Variants in LYVE1 observed in about 807,000 individuals in gnomAD.
LYVE1 encodes lymphatic vessel endothelial hyaluronan receptor 1.
Under a neutral mutation model 31.5 loss-of-function variants are expected in LYVE1, and 29 were observed. The observed-to-expected ratio is 0.92, with a 90% CI of 0.69 to 1.26. LYVE1 has a LOEUF of 1.26. Ranked by LOEUF, LYVE1 falls within the 50% of genes most tolerant of loss-of-function variation. The pLI, the probability that LYVE1 is intolerant of heterozygous loss-of-function variation, is 0.00. For synonymous variants in LYVE1, 134 were observed against 139.4 expected, an observed-to-expected ratio of 0.96 and a Z score of 0.27; for missense variants, 376 against 380.2, an observed-to-expected ratio of 0.99 and a Z score of 0.09.
At chr11:10,568,389 G>T in intron 1 of LYVE1, 59 bp downstream of exon 1, 1 of 1,558,354 alleles carries the variant, frequency 6.4e-7, no homozygotes, top group Non-Finnish European at 8.8e-7. Flanking sequence ...ATAGTCAACA[G>T]CTTAGGAGGC....
chr11:10,560,754 A>G lies in LYVE1; in HGVS notation c.444T>C (p.Asp148=), dbSNP rs778376672. The part of the protein sequence containing the change: ...SCIPEIITTK[D]PIFNTQTATQ... ...TTGCAGTTTGAGTGTTGAATATGGG[A>G]TCTTTGGTGGTGATAATTTCTGGAA... The change falls in exon 4 of 6, where the codon GAT becomes GAC. Residue 148 remains aspartate (D), a synonymous_variant. Coordinates refer to ENST00000256178, the MANE Select transcript of LYVE1 (RefSeq NM_006691.4). The G allele has an allele frequency of 9.9e-6, 16 of 1,613,482 alleles. No individual in the cohort carries two copies. Among genetic ancestry groups the G allele is most frequent in the Non-Finnish European group, 1.4e-5 (16 of 1,179,504 alleles).
At chr11:10,565,162 C>G (rs1432185058) in intron 1 of LYVE1, among the ~76,000 whole-genome samples, 1 of 152,164 alleles carries the variant, frequency 6.6e-6, no homozygotes, top group Admixed American at 6.5e-5. Context: ...AAATGTTTAG[C>G]ATAGTGCCTG....
At chr11:10,559,533 A>G (rs1005754865) in intron 5 of LYVE1, among the ~76,000 whole-genome samples, 2 of 152,224 alleles carry the variant, frequency 1.3e-5, no homozygotes, top group African/African-American at 2.4e-5. Context: ...CAACAAAAAC[A>G]AAGAACCAAA....
rs1850338502 is a variant in LYVE1, at chr11:10,557,498, TGA to T, written c.*1611_*1612del. On this transcript the variant is annotated 3_prime_UTR_variant, in exon 6 of 6. Coordinates refer to ENST00000256178, the MANE Select transcript of LYVE1 (RefSeq NM_006691.4). ...AACCACGGAGCTGTGGGGTCACTGG[TGA>T]GGGGAAGAAGACAATTAGCAGTCTA... 1 of 152,056 alleles carries T rather than the reference TGA, an allele frequency of 6.6e-6. No homozygotes were observed. Among genetic ancestry groups the T allele is most frequent in the South Asian group, 2.1e-4 (1 of 4,816 alleles). 9.4% of individuals were successfully genotyped at this position (152,056 alleles called of 1,614,324 possible). A position where few individuals can be genotyped will look rare whatever the true frequency, so the allele number is the denominator to read the frequency against.
chr11:10,567,984 G>A (rs900033643), intron 1 of LYVE1, among the ~76,000 whole-genome samples: 5 of 151,924 alleles, frequency 3.3e-5, no homozygotes, highest in Admixed American at 2.0e-4. Flanking sequence ...CATGGTTTGC[G>A]TCTTCAATGA....
In LYVE1 at chr11:10,563,974, G is replaced by C; in HGVS notation, c.363C>G (p.Ser121Arg). 6.2e-7 allele frequency: 1 copy of C among 1,614,136 alleles called. No homozygotes were observed. The highest frequency in any genetic ancestry group is 8.5e-7 in the Non-Finnish European group (1 of 1,180,040). ...TGTAACAATAGGCTGCAAACTGTCG[G>C]CTCACTGGAACCTTCCAAATCAGGA... The part of the protein sequence containing the change: ...VGVLIWKVPV[S>R]RQFAAYCYNS... The change falls in exon 3 of 6, where the codon AGC becomes AGG. Residue 121 changes from serine (S) to arginine (R), a missense_variant. By Grantham distance (110) the Ser-to-Arg change is moderately radical. Coordinates refer to ENST00000256178, the MANE Select transcript of LYVE1 (RefSeq NM_006691.4).
chr11:10,568,277 A>G (rs567397653), intron 1 of LYVE1, among the ~76,000 whole-genome samples, 171 bp downstream of exon 1: 89 of 152,346 alleles, frequency 5.8e-4, no homozygotes, highest in Non-Finnish European at 1.1e-3. Context: ...AATGTCAATC[A>G]TTTTGGTGAA....
chr11:10,568,298 TG>T, intron 1 of LYVE1, 149 bp downstream of exon 1: 2 of 528,246 alleles, frequency 3.8e-6, no homozygotes, highest in Non-Finnish European at 6.4e-6. Context: ...GTTGACAATA[TG>T]GTGGTACATT....
At chr11:10,568,033 C>T (rs959478294) in intron 1 of LYVE1, among the ~76,000 whole-genome samples, 2 of 152,154 alleles carry the variant, frequency 1.3e-5, no homozygotes, top group African/African-American at 4.8e-5. Flanking sequence ...GATGCAGTGG[C>T]TCATGCCTGC....
chr11:10,562,706 G>T (rs1437089804), intron 3 of LYVE1, among the ~76,000 whole-genome samples: 1 of 152,150 alleles, frequency 6.6e-6, no homozygotes, highest in Non-Finnish European at 1.5e-5. Flanking sequence ...AAGCACTTGG[G>T]CTAAGGCAGC....
At chr11:10,559,378 G>T in intron 5 of LYVE1, 81 bp from the exon 6 acceptor site, 1 of 1,037,960 alleles carries the variant, frequency 9.6e-7, no homozygotes, top group Non-Finnish European at 1.4e-6. Context: ...GGTACATATT[G>T]GCACAGTACA....
chr11:10,559,886 TG>T lies in LYVE1; in HGVS notation c.711del (p.Thr238ArgfsTer4). On this transcript the variant is annotated frameshift_variant, in exon 5 of 6. Coordinates refer to ENST00000256178, the MANE Select transcript of LYVE1 (RefSeq NM_006691.4). LOFTEE classifies it high-confidence loss of function. ...AGGAGAGCAAGCACTAGCAGAGCCGTGGGGACACCTGCAAGGAACAGAGACA... is the reference window on the plus strand; with the variant it reads ...AGGAGAGCAAGCACTAGCAGAGCCGTGGGACACCTGCAAGGAACAGAGACA... The part of the protein sequence containing the change: ...KNEAAGFGGV[P>X]TALLVLALLF... The T allele has an allele frequency of 6.2e-7, 1 of 1,613,452 alleles. No homozygotes were observed.
At position 10,559,081 on chromosome 11, in the gene LYVE1, C is replaced by T. The variant is rs748169719; in HGVS notation, c.*30G>A. ...GGTAAGGAGCATGAAAGAAACCAGC[C>T]TCAGGTGTGTCTCCTCATTTCTGTC... On this transcript the variant is annotated 3_prime_UTR_variant, in exon 6 of 6. Transcript: ENST00000256178. 1 of 1,605,334 alleles carries T rather than the reference C, an allele frequency of 6.2e-7. No homozygotes were observed. The highest frequency in any genetic ancestry group is 8.5e-7 in the Non-Finnish European group (1 of 1,175,208).
intron 1 of LYVE1, among the ~76,000 whole-genome samples, chr11:10,566,986 A>C (rs1218510235): frequency 6.6e-6 from 1 of 152,244 alleles, no homozygotes; most frequent in Admixed American, 6.5e-5. Flanking sequence ...CTCAGGAAAC[A>C]GCAAACATAG....
In LYVE1 at chr11:10,559,823, C is replaced by T. The variant is rs765270056; in HGVS notation, c.775G>A (p.Val259Ile). 3.1e-6 allele frequency: 5 copies of T among 1,613,810 alleles called. No individual in the cohort carries two copies. The African/African-American group carries it at 6.7e-5, about 22-fold the overall frequency. The change falls in exon 5 of 6, where the codon GTC (valine) becomes ATC (isoleucine). Residue 259 changes from valine (V) to isoleucine (I), a missense_variant. Coordinates refer to ENST00000256178, the MANE Select transcript of LYVE1 (RefSeq NM_006691.4). ...GTGCACCAACAACCCTACCTTTTGA[C>T]ATAGCAAAATCCAAGACCAGCTGCA... is the stretch of plus-strand genomic sequence containing the variant. ...GAAAGLGFCY[V>I]KRYVKAFPFT...
Position 10,558,908 on chromosome 11 carries a change from A to T in LYVE1, c.*203T>A. ...GAAGCTTTGGAGGTAGGAGGATAGG[A>T]TCCAGACAGGGTTACAATAAGGAGA... On this transcript the variant is annotated 3_prime_UTR_variant, in exon 6 of 6. Coordinates refer to ENST00000256178, the MANE Select transcript of LYVE1 (RefSeq NM_006691.4). 1.9e-6 allele frequency: 1 copy of T among 527,196 alleles called. No homozygotes were observed. The highest frequency in any genetic ancestry group is 3.4e-5 in the South Asian group (1 of 29,536). The allele number at this position is 527,196 out of a possible 1,614,324, so 32.7% of individuals were successfully genotyped here. A position where few individuals can be genotyped will look rare whatever the true frequency, so the allele number is the denominator to read the frequency against.
rs1257542467 is a variant in LYVE1 at position 10,557,397 on chromosome 11, A to G, written c.*1714T>C. 2 of 152,232 alleles carry G rather than the reference A, an allele frequency of 1.3e-5. No homozygotes were observed. Among genetic ancestry groups the G allele is most frequent in the Non-Finnish European group, 2.9e-5 (2 of 68,042 alleles). 9.4% of individuals were successfully genotyped at this position (152,232 alleles called of 1,614,324 possible). A position where few individuals can be genotyped will look rare whatever the true frequency, so the allele number is the denominator to read the frequency against. ...TTGATTTTTAATGCCTGGAAATGAA[A>G]TCAAATTTTAAGATTATACTCCGTG... On this transcript the variant is annotated 3_prime_UTR_variant, in exon 6 of 6. Coordinates refer to ENST00000256178, the MANE Select transcript of LYVE1 (RefSeq NM_006691.4).
chr11:10,565,163 A>C (rs1368492045), intron 1 of LYVE1, among the ~76,000 whole-genome samples: 1 of 152,204 alleles, frequency 6.6e-6, no homozygotes, highest in Non-Finnish European at 1.5e-5. Flanking sequence ...AATGTTTAGC[A>C]TAGTGCCTGC....
In LYVE1 at chr11:10,568,470, G is replaced by C. The variant is rs781223321; in HGVS notation, c.63C>G (p.Val21=). 1 of 1,613,886 alleles carries C rather than the reference G, an allele frequency of 6.2e-7. No individual in the cohort carries two copies. The highest frequency in any genetic ancestry group is 8.5e-7 in the Non-Finnish European group (1 of 1,179,932). The change falls in exon 1 of 6, where the codon GTC becomes GTG. Residue 21 remains valine, a synonymous_variant. Coordinates refer to ENST00000256178, the MANE Select transcript of LYVE1 (RefSeq NM_006691.4). ...TACCTTCTGCACGCAAAGAGCCTTG[G>C]ACCAGGAGCCTCGTGGTCCAGATGG... ...LTSIWTTRLL[V]QGSLRAEELS... is the part of the protein sequence containing the mutation.
Sources: gnomAD v4.1 joint callset for allele counts (sites outside exome capture counted in the v4.1 genomes callset) on GRCh38, gnomAD v4.1.1 for gene constraint, MANE v1.5 for transcripts, NCBI Gene and HGNC (gene_info 2026-07-23, HGNC 2026-07-21) for gene names.